NRG3: variants seen among roughly 807,000 people sequenced by gnomAD.
The protein encoded by NRG3 is neuregulin 3.
A neutral mutation model predicts 66.9 loss-of-function variants in NRG3; 31 were observed. The ratio of observed to expected loss-of-function variants is 0.46; its 90% CI spans 0.35 to 0.63. NRG3 has a LOEUF of 0.63. NRG3 is among the 20% of genes least tolerant of loss of function. The pLI, the probability that NRG3 is intolerant of heterozygous loss-of-function variation, is 0.00. For synonymous variants in NRG3, 393 were observed against 359.4 expected (o/e 1.09, Z -1.06); for missense variants, 910 against 878.9 (o/e 1.04, Z -0.45).
At chr10:82,833,164 G>A (rs556792987) in intron 3 of NRG3, among the ~76,000 whole-genome samples, 156 of 152,232 alleles carry the variant, frequency 1.0e-3, no homozygotes, top group Non-Finnish European at 1.5e-3. Context: ...GAATAAGGAA[G>A]AAAATAAAAA....
At chr10:82,772,007 A>C (rs116410470) in intron 3 of NRG3, among the ~76,000 whole-genome samples, 5,117 of 152,182 alleles carry the variant, frequency 0.034, 278 homozygotes, top group African/African-American at 0.12. Flanking sequence ...TCTCAGTTTA[A>C]ACTCTACCAT....
At chr10:82,275,586 CTG>C (rs1275458569) in intron 1 of NRG3, among the ~76,000 whole-genome samples, 1 of 151,892 alleles carries the variant, frequency 6.6e-6, no homozygotes, top group Non-Finnish European at 1.5e-5. Context: ...AGCCTGGGAG[CTG>C]TGTGTTTTCA....
chr10:82,203,306 T>G (rs948897191), intron 1 of NRG3, among the ~76,000 whole-genome samples: 1 of 152,190 alleles, frequency 6.6e-6, no homozygotes, highest in Non-Finnish European at 1.5e-5. Context: ...AAATGGACAG[T>G]AGGCTACAAG....
chr10:82,647,928 C>T (rs1300584545), intron 2 of NRG3, among the ~76,000 whole-genome samples: 21 of 146,094 alleles, frequency 1.4e-4, no homozygotes, highest in East Asian at 4.0e-4. Context: ...GAGTAGGTTG[C>T]GAAAATTTTC....
At chr10:82,710,701 TTTTTATTTTA>T (rs545721231) in intron 2 of NRG3, among the ~76,000 whole-genome samples, 2 of 151,794 alleles carry the variant, frequency 1.3e-5, no homozygotes, top group African/African-American at 2.4e-5. Context: ...TCATTTTTTA[TTTTTATTTTA>T]TTTTATTTTA....
At chr10:82,531,417 G>T (rs1419590891) in intron 2 of NRG3, among the ~76,000 whole-genome samples, 6 of 151,366 alleles carry the variant, frequency 4.0e-5, no homozygotes, top group Non-Finnish European at 8.9e-5. Context: ...TTGTTATTTT[G>T]CCTTTATTGC....
chr10:81,947,111 T>A (rs956012238), intron 1 of NRG3, among the ~76,000 whole-genome samples: 2 of 152,192 alleles, frequency 1.3e-5, no homozygotes, highest in African/African-American at 4.8e-5. Context: ...TTCCAGCTTC[T>A]GGTAGCCTCA....
rs58906037 is a variant in NRG3 at position 82,005,897 on chromosome 10, T to TTGTGTGTGTGTG, written c.823+129749_823+129760dup. 7.8e-3 allele frequency among the ~76,000 whole-genome samples: 1,161 copies of TTGTGTGTGTGTG among 148,834 alleles called. 6 individuals carry two copies. The highest frequency in any genetic ancestry group is 0.018 in the East Asian group (92 of 5,044). ...AGGTAACATAGAGGAAATGTGTATT[T>TTGTGTGTGTGTG]TGTGTGTGTGTGTGTGTGTGTGTGT... On this transcript the variant is annotated intron_variant, in intron 1 of 8. Coordinates refer to ENST00000372141, the MANE Select transcript of NRG3 (RefSeq NM_001010848.4).
At chr10:82,017,910 G>A (rs565118578) in intron 1 of NRG3, among the ~76,000 whole-genome samples, 2 of 152,202 alleles carry the variant, frequency 1.3e-5, no homozygotes, top group Admixed American at 6.5e-5. Context: ...TCTGATGGCA[G>A]TTTCTTTTGC....
At chr10:82,110,054 A>G (rs1166375332) in intron 1 of NRG3, among the ~76,000 whole-genome samples, 1 of 152,178 alleles carries the variant, frequency 6.6e-6, no homozygotes, top group Non-Finnish European at 1.5e-5. Flanking sequence ...ACAATACACA[A>G]AACAGGTCAA....
chr10:82,595,467 C>A (rs1040951240), intron 2 of NRG3, among the ~76,000 whole-genome samples: 20 of 152,126 alleles, frequency 1.3e-4, no homozygotes, highest in African/African-American at 4.8e-4. Flanking sequence ...CCTTATAAAA[C>A]AGAGTTGCAC....
intron 2 of NRG3, among the ~76,000 whole-genome samples, chr10:82,731,383 A>AG (rs2057897522): frequency 6.4e-5 from 3 of 46,648 alleles, no homozygotes; most frequent in African/African-American, 9.7e-5. Context: ...AAAAAAAAAA[A>AG]AAAGAAAATG....
chr10:82,777,804 G>A (rs2059963355), intron 3 of NRG3, among the ~76,000 whole-genome samples: 2 of 152,212 alleles, frequency 1.3e-5, no homozygotes, highest in South Asian at 4.1e-4. Context: ...CGTGGCCAAA[G>A]CCCTGCAAGG....
At chr10:82,974,271 A>G (rs1362752648) in intron 7 of NRG3, among the ~76,000 whole-genome samples, 2 of 152,206 alleles carry the variant, frequency 1.3e-5, no homozygotes, top group Non-Finnish European at 2.9e-5. Flanking sequence ...TATGCAGCCT[A>G]ATGTGACAGA....
chr10:81,882,936 A>G (rs187443436), intron 1 of NRG3, among the ~76,000 whole-genome samples: 26 of 152,288 alleles, frequency 1.7e-4, no homozygotes, highest in Admixed American at 1.7e-3. Context: ...TTTAAAGCCT[A>G]TTTCCAGCAT....
At chr10:82,437,878 G>A (rs2090227130) in intron 2 of NRG3, among the ~76,000 whole-genome samples, 1 of 152,100 alleles carries the variant, frequency 6.6e-6, no homozygotes, top group South Asian at 2.1e-4. Context: ...CGTGCCTGGA[G>A]ACGTCACTGA....
intron 2 of NRG3, among the ~76,000 whole-genome samples, chr10:82,715,440 C>T (rs1288052787): frequency 6.6e-6 from 1 of 152,144 alleles, no homozygotes; most frequent in East Asian, 1.9e-4. Context: ...GTCATCCCTC[C>T]TCTGCTGGAG....
At chr10:82,302,050 G>A (rs1368727130) in intron 1 of NRG3, among the ~76,000 whole-genome samples, 1 of 149,854 alleles carries the variant, frequency 6.7e-6, no homozygotes, top group Non-Finnish European at 1.5e-5. Flanking sequence ...TTTACTGTAT[G>A]TTTTCTTTTG....
intron 2 of NRG3, among the ~76,000 whole-genome samples, chr10:82,690,312 G>A (rs2054828983): frequency 6.6e-6 from 1 of 150,668 alleles, no homozygotes; most frequent in Admixed American, 6.6e-5. Flanking sequence ...TCACTTCACA[G>A]GAACATAGGG....
Sources: gnomAD v4.1 joint callset for allele counts (sites outside exome capture counted in the v4.1 genomes callset) on GRCh38, gnomAD v4.1.1 for gene constraint, MANE v1.5 for transcripts, NCBI Gene and HGNC (gene_info 2026-07-23, HGNC 2026-07-21) for gene names.